The following FOXP2 variants were observed in gnomAD, a reference collection of about 807,000 sequenced individuals.
FOXP2 encodes the protein forkhead box protein P2.
Under a neutral mutation model 115.8 loss-of-function variants are expected in FOXP2, and 12 were observed. The ratio of observed to expected loss-of-function variants is 0.10; its 90% confidence interval spans 0.07 to 0.17. The LOEUF (loss-of-function observed/expected upper bound fraction) is 0.17, where lower values mean the gene tolerates loss of function less well. Among genes scored for constraint, FOXP2 ranks in the 10% least tolerant of loss-of-function variants. The pLI is 1.00. For synonymous variants in FOXP2, 328 were observed against 297.7 expected (o/e 1.10, Z -1.05); for missense variants, 629 against 843.5 (o/e 0.75, Z 3.15).
chr7:114,625,426 C>T (rs10253750), intron 3 of FOXP2, among the ~76,000 whole-genome samples: 19,700 of 151,518 alleles, frequency 0.13, 1,553 homozygotes, highest in African/African-American at 0.21. Flanking sequence ...AGTCTAACAC[C>T]GAACTTGCTA....
At chr7:114,147,914 G>C (rs1012529860) in intron 1 of FOXP2, among the ~76,000 whole-genome samples, 4 of 152,162 alleles carry the variant, frequency 2.6e-5, no homozygotes, top group African/African-American at 9.7e-5. Flanking sequence ...TTGCCACACA[G>C]TAGGTACCAT....
chr7:114,590,808 G>A (rs1005829484), intron 3 of FOXP2, among the ~76,000 whole-genome samples: 2 of 152,036 alleles, frequency 1.3e-5, no homozygotes, highest in Admixed American at 6.6e-5. Context: ...TGGCTTGCAG[G>A]ATATGATCAT....
At chr7:114,492,953 T>A (rs1434942509) in intron 2 of FOXP2, among the ~76,000 whole-genome samples, 1 of 152,162 alleles carries the variant, frequency 6.6e-6, no homozygotes, top group African/African-American at 2.4e-5. Flanking sequence ...CTGAGTTCAA[T>A]TCCTGGATAT....
At chr7:114,243,956 C>T (rs1044641768) in intron 1 of FOXP2, among the ~76,000 whole-genome samples, 40 of 150,406 alleles carry the variant, frequency 2.7e-4, no homozygotes, top group African/African-American at 9.3e-4. Context: ...TAGGAGATGG[C>T]GAGATTAGAA....
At chr7:114,221,292 A>G (rs1397346649) in intron 1 of FOXP2, among the ~76,000 whole-genome samples, 1 of 152,054 alleles carries the variant, frequency 6.6e-6, no homozygotes, top group East Asian at 1.9e-4. Flanking sequence ...TTATTTTATG[A>G]CACAATTTTA....
intron 3 of FOXP2, among the ~76,000 whole-genome samples, chr7:114,620,197 A>C (rs1804171199): frequency 1.3e-5 from 2 of 152,078 alleles, no homozygotes; most frequent in Non-Finnish European, 2.9e-5. Context: ...GCTACACTAC[A>C]AAAGAACTTG....
chr7:114,480,460 C>A (rs1317520015), intron 2 of FOXP2, among the ~76,000 whole-genome samples: 5 of 151,142 alleles, frequency 3.3e-5, no homozygotes, highest in Non-Finnish European at 7.4e-5. Flanking sequence ...AAAAAAGATG[C>A]CTTATTACTT....
intron 2 of FOXP2, among the ~76,000 whole-genome samples, chr7:114,484,786 A>G (rs985784134): frequency 4.6e-5 from 7 of 151,994 alleles, no homozygotes; most frequent in African/African-American, 1.4e-4. Context: ...AGATATCACA[A>G]GTTGCATTAA....
intron 1 of FOXP2, among the ~76,000 whole-genome samples, chr7:114,248,180 C>A (rs1202543547): frequency 6.9e-6 from 1 of 145,966 alleles, no homozygotes; most frequent in East Asian, 2.1e-4. Context: ...AGCTTAAAAA[C>A]AGAGAGAGAG....
intron 2 of FOXP2, among the ~76,000 whole-genome samples, chr7:114,338,657 A>G (rs1171596309): frequency 1.3e-5 from 2 of 151,022 alleles, no homozygotes; most frequent in Admixed American, 6.6e-5. Context: ...TTTGCAGAGC[A>G]TAAGAAAGGA....
upstream of FOXP2, among the ~76,000 whole-genome samples, chr7:114,160,320 C>A (rs143656276): frequency 9.2e-5 from 14 of 152,034 alleles, no homozygotes; most frequent in South Asian, 6.2e-4. Flanking sequence ...ACTTCTGAGG[C>A]CTTCATTTTG....
intron 3 of FOXP2, among the ~76,000 whole-genome samples, chr7:114,609,868 A>C (rs1211967533): frequency 1.3e-5 from 2 of 152,152 alleles, no homozygotes; most frequent in Non-Finnish European, 2.9e-5. Context: ...TTCTATTTGA[A>C]TTTCACATTC....
chr7:114,519,490 C>T (rs1237053722), intron 2 of FOXP2, among the ~76,000 whole-genome samples: 1 of 152,084 alleles, frequency 6.6e-6, no homozygotes, highest in African/African-American at 2.4e-5. Context: ...GTAGAAATCC[C>T]AGGGGACTTC....
intron 8 of FOXP2, among the ~76,000 whole-genome samples, chr7:114,648,702 C>T (rs1045734292): frequency 6.6e-6 from 1 of 152,070 alleles, no homozygotes; most frequent in African/African-American, 2.4e-5. Flanking sequence ...TATTATGTAT[C>T]TAGTTGATAC....
At chr7:114,263,824 C>T (rs1046048171) in intron 1 of FOXP2, among the ~76,000 whole-genome samples, 7 of 151,736 alleles carry the variant, frequency 4.6e-5, no homozygotes, top group Non-Finnish European at 1.0e-4. Flanking sequence ...TACACTCTGT[C>T]GGCCTCGAGC....
At chr7:114,109,803 T>C (rs1400768530) in intron 1 of FOXP2, among the ~76,000 whole-genome samples, 3 of 152,132 alleles carry the variant, frequency 2.0e-5, no homozygotes, top group Non-Finnish European at 4.4e-5. Flanking sequence ...ACATTTACAG[T>C]CTTAATTTCA....
chr7:114,370,634 G>T (rs1324689049), intron 2 of FOXP2, among the ~76,000 whole-genome samples: 2 of 152,182 alleles, frequency 1.3e-5, no homozygotes, highest in African/African-American at 4.8e-5. Flanking sequence ...AACACAGGAA[G>T]CTCAAATTCA....
chr7:114,378,047 C>T (rs919681868), intron 2 of FOXP2, among the ~76,000 whole-genome samples: 1 of 152,140 alleles, frequency 6.6e-6, no homozygotes, highest in African/African-American at 2.4e-5. Flanking sequence ...AGGAAGCCCT[C>T]CCTGACCTTC....
In FOXP2 at chr7:114,204,051, C is replaced by G. The variant is rs181139490; in HGVS notation, c.-102+40963C>G. Among the ~76,000 whole-genome samples, 24 of 152,214 alleles carry G rather than the reference C, an allele frequency of 1.6e-4. No individual in the cohort carries two copies. The East Asian group carries it at 4.4e-3, about 28-fold the overall frequency. Reference sequence around the variant, plus strand: ...TAGCAGAAGTATCTCTTATTTTAAACAAATTTTTTTTCTGCTTCTTCTTCT... The same window carrying G: ...TAGCAGAAGTATCTCTTATTTTAAAGAAATTTTTTTTCTGCTTCTTCTTCT... On this transcript the variant is annotated intron_variant, in intron 1 of 17. Transcript: ENST00000634411.
Sources: gnomAD v4.1 joint callset for allele counts (sites outside exome capture counted in the v4.1 genomes callset) on GRCh38, gnomAD v4.1.1 for gene constraint, MANE v1.5 for transcripts, NCBI Gene and HGNC (gene_info 2026-07-23, HGNC 2026-07-21) for gene names.